The following INVS variants were observed in gnomAD, a reference collection of about 807,000 sequenced individuals.
INVS encodes inversin, also known as inversion of embryo turning homolog.
INVS carries 86 observed loss-of-function variants against 108.8 expected under a neutral mutation model. The observed-to-expected ratio is 0.79, with a 90% CI of 0.66 to 0.95. The LOEUF is 0.95. INVS is among the 40% of genes least tolerant of loss of function. INVS has a pLI of 0.00. For synonymous variants in INVS, 455 were observed against 473.5 expected (o/e 0.96, Z 0.51); for missense variants, 1,169 against 1,297.4 (o/e 0.90, Z 1.52).
chr9:100,198,717 C>T (rs1009961382), intron 3 of INVS, among the ~76,000 whole-genome samples: 4 of 151,440 alleles, frequency 2.6e-5, no homozygotes, highest in Non-Finnish European at 4.4e-5. Context: ...CTCAGCCTCC[C>T]GTGTAGCTGG....
At chr9:100,291,903 C>T (rs908737529) in intron 13 of INVS, among the ~76,000 whole-genome samples, 2 of 152,178 alleles carry the variant, frequency 1.3e-5, no homozygotes, top group Non-Finnish European at 2.9e-5. Context: ...TTTCTTCCTG[C>T]AAGGACTCAT....
At chr9:100,298,097 G>T in intron 16 of INVS, 87 bp downstream of exon 16, 1 of 1,603,364 alleles carries the variant, frequency 6.2e-7, no homozygotes, top group South Asian at 1.1e-5. Flanking sequence ...GAAGACATTA[G>T]AACAGATATG....
chr9:100,236,663 G>C (rs561002317), intron 5 of INVS, among the ~76,000 whole-genome samples: 2 of 152,292 alleles, frequency 1.3e-5, no homozygotes, highest in South Asian at 4.1e-4. Context: ...TTCAGACCCT[G>C]TTTGCGTGGG....
chr9:100,190,244 C>G (rs942715641), intron 3 of INVS, among the ~76,000 whole-genome samples: 3 of 152,056 alleles, frequency 2.0e-5, no homozygotes, highest in Non-Finnish European at 4.4e-5. Context: ...TATCTGTTTC[C>G]ACCCTTTACC....
intron 2 of INVS, among the ~76,000 whole-genome samples, chr9:100,116,554 ATTTC>A (rs1827536948): frequency 6.6e-6 from 1 of 152,118 alleles, no homozygotes; most frequent in Admixed American, 6.5e-5. Context: ...TTCAAACACA[ATTTC>A]TTTATTTGGA....
chr9:100,193,901 G>A (rs1393844355), intron 3 of INVS, among the ~76,000 whole-genome samples: 1 of 152,158 alleles, frequency 6.6e-6, no homozygotes, highest in African/African-American at 2.4e-5. Flanking sequence ...GCATGAACAA[G>A]GTAAAAGTTT....
chr9:100,288,923 C>T (rs7039994), intron 13 of INVS, among the ~76,000 whole-genome samples: 29,425 of 152,002 alleles, frequency 0.19, 3,559 homozygotes, highest in African/African-American at 0.35. Flanking sequence ...TTATTGTGTC[C>T]GCCCTGATTT....
At chr9:100,293,138 AT>A in intron 14 of INVS, 95 bp downstream of exon 14, 1 of 1,250,818 alleles carries the variant, frequency 8.0e-7, no homozygotes, top group Non-Finnish European at 1.2e-6. Context: ...AGTGAGTTCC[AT>A]GTGGTGGCAT....
At position 100,266,078 on chromosome 9, in the gene INVS, TA is replaced by T. The variant is rs888743246; in HGVS notation, c.1571+1159del. ...CTCTGCAACAGAGTAAGACTCTGCC[TA>T]AAAAAAAAGGAACAAACAGAATGTG... On this transcript the variant is annotated intron_variant, in intron 11 of 16. Coordinates refer to ENST00000262457, the MANE Select transcript of INVS (RefSeq NM_014425.5). Among the ~76,000 whole-genome samples the T allele has an allele frequency of 1.2e-4, 18 of 150,188 alleles. No individual in the cohort carries two copies. In the East Asian group the frequency reaches 1.4e-3, roughly 11 times the overall value.
rs75068993 is a variant in INVS at position 100,283,582 on chromosome 9, C to T, written c.1785-738C>T. Among the ~76,000 whole-genome samples, 864 of 152,308 alleles carry T rather than the reference C, an allele frequency of 5.7e-3. 9 individuals carry two copies. The highest frequency in any genetic ancestry group is 0.02 in the African/African-American group (827 of 41,558). ...TGTCTTGAGTTAGGGGCCTGGGCTACCTTTCTGAGCCACCTCAGACCCACC... is the reference window on the plus strand; with the variant it reads ...TGTCTTGAGTTAGGGGCCTGGGCTATCTTTCTGAGCCACCTCAGACCCACC... On this transcript the variant is annotated intron_variant, in intron 12 of 16. Coordinates refer to ENST00000262457, the MANE Select transcript of INVS (RefSeq NM_014425.5).
chr9:100,178,291 A>G (rs1271864154), intron 3 of INVS, among the ~76,000 whole-genome samples: 2 of 152,176 alleles, frequency 1.3e-5, no homozygotes, highest in Middle Eastern at 3.2e-3. Context: ...TGATGAATTG[A>G]CAGAAGTAGG....
intron 16 of INVS, among the ~76,000 whole-genome samples, chr9:100,299,399 G>A (rs1281906582): frequency 3.3e-5 from 5 of 151,754 alleles, no homozygotes; most frequent in Non-Finnish European, 5.9e-5. Flanking sequence ...AAAGGAAGAA[G>A]CAGAAAGGTG....
At chr9:100,273,527 CTTTTTTTTTTTTTT>C (rs58458085) in intron 12 of INVS, among the ~76,000 whole-genome samples, 19 of 96,260 alleles carry the variant, frequency 2.0e-4, no homozygotes, top group East Asian at 5.2e-4. Context: ...CCACTCAGTT[CTTTTTTTTTTTTTT>C]TTTTTTTTTT....
chr9:100,116,938 G>A, intron 2 of INVS: 4 of 1,515,974 alleles, frequency 2.6e-6, no homozygotes, highest in Non-Finnish European at 3.6e-6. Flanking sequence ...AGTTGCCCAG[G>A]GTGGCATTGC....
intron 3 of INVS, among the ~76,000 whole-genome samples, chr9:100,178,659 G>C (rs557914704): frequency 6.6e-6 from 1 of 152,190 alleles, no homozygotes; most frequent in African/African-American, 2.4e-5. Flanking sequence ...CCAAATCTAT[G>C]TTTGATTGGT....
At position 100,125,681 on chromosome 9, in the gene INVS, ATT is replaced by A. The variant is rs68122542; in HGVS notation, c.107-682_107-681del. On this transcript the variant is annotated intron_variant, in intron 2 of 16. Transcript: ENST00000262457. ...TGTCTAGAAAGGGAAATCAACTGTG[ATT>A]TTTTTTTTTTTTTTTTTTTGAGATG... 8.3e-3 allele frequency among the ~76,000 whole-genome samples: 818 copies of A among 99,014 alleles called. 5 individuals carry two copies. Among genetic ancestry groups the A allele is most frequent in the Admixed American group, 0.018 (162 of 9,142 alleles). 65.0% of individuals were successfully genotyped at this position (99,014 alleles called of 152,430 possible).
At chr9:100,197,521 C>G (rs1464849467) in intron 3 of INVS, among the ~76,000 whole-genome samples, 1 of 152,208 alleles carries the variant, frequency 6.6e-6, no homozygotes. Flanking sequence ...GCACCACCCT[C>G]CCAGCATATG....
At chr9:100,286,202 C>T (rs942585459) in intron 13 of INVS, among the ~76,000 whole-genome samples, 1 of 152,156 alleles carries the variant, frequency 6.6e-6, no homozygotes, top group Non-Finnish European at 1.5e-5. Flanking sequence ...TTTTCAGTAA[C>T]TATTATTATT....
chr9:100,255,917 T>C (rs967142069), intron 10 of INVS, among the ~76,000 whole-genome samples: 1 of 152,218 alleles, frequency 6.6e-6, no homozygotes, highest in African/African-American at 2.4e-5. Flanking sequence ...ATCAGGATGA[T>C]GCTGGCCTCA....
Sources: allele counts gnomAD v4.1 joint callset (sites outside exome capture counted in the v4.1 genomes callset), GRCh38; gene constraint gnomAD v4.1.1; transcripts MANE v1.5; gene names NCBI Gene and HGNC (gene_info 2026-07-23, HGNC 2026-07-21).